The following RPRD1B variants were observed in gnomAD, a reference collection of about 807,000 sequenced individuals.
The protein encoded by RPRD1B is regulation of nuclear pre-mRNA domain containing 1B.
Under a neutral mutation model 41.5 loss-of-function variants are expected in RPRD1B, and 11 were observed. The ratio of observed to expected loss-of-function variants is 0.27; its 90% CI spans 0.17 to 0.44. The LOEUF is 0.44. Among genes scored for constraint, RPRD1B ranks in the 20% least tolerant of loss-of-function variants. RPRD1B has a pLI of 1.00. For missense variants in RPRD1B, 248 were observed against 389.9 expected (o/e 0.64, Z 3.06); for synonymous variants, 158 against 155.6 (o/e 1.02, Z -0.12).
Position 38,091,928 on chromosome 20 carries a change from A to T in RPRD1B, c.*2053A>T. 1 of 985,792 alleles carries T rather than the reference A, an allele frequency of 1.0e-6. No homozygotes were observed. Among genetic ancestry groups the T allele is most frequent in the Non-Finnish European group, 1.2e-6 (1 of 829,914 alleles). The allele number at this position is 985,792 out of a possible 1,614,324, so 61.1% of individuals were successfully genotyped here. A position where few individuals can be genotyped will look rare whatever the true frequency, so the allele number is the denominator to read the frequency against. On this transcript the variant is annotated 3_prime_UTR_variant, in exon 7 of 7. Coordinates refer to ENST00000373433, the MANE Select transcript of RPRD1B (RefSeq NM_021215.4). ...TAAATGAATGTGTTGGCCTCTTAAT[A>T]CCTGTTACTAGTGGACTTCCTGTGA...
chr20:38,061,778 A>G (rs369899828), intron 5 of RPRD1B, among the ~76,000 whole-genome samples: 6 of 152,258 alleles, frequency 3.9e-5, no homozygotes, highest in East Asian at 1.9e-4. Flanking sequence ...ACTTCACCCC[A>G]GTAGTATTTG....
Position 38,091,425 on chromosome 20 carries a change from T to C in RPRD1B, c.*1550T>C, listed in dbSNP as rs2122782618. ...ATGAAAAGTCATAGCAGATACTCAG[T>C]TTAACTCTGTGTAGAACCTAGTAGT... On this transcript the variant is annotated 3_prime_UTR_variant, in exon 7 of 7. Transcript: ENST00000373433. The C allele has an allele frequency of 1.0e-6, 1 of 985,394 alleles. No individual in the cohort carries two copies. 61.0% of individuals were successfully genotyped at this position (985,394 alleles called of 1,614,324 possible).
At chr20:38,055,160 C>G (rs1349305637) in intron 3 of RPRD1B, among the ~76,000 whole-genome samples, 1 of 152,006 alleles carries the variant, frequency 6.6e-6, no homozygotes, top group Non-Finnish European at 1.5e-5. Context: ...ATTGTTGATT[C>G]CAAATGTGTA....
At position 38,040,555 on chromosome 20, in the gene RPRD1B, A is replaced by G. The variant is rs1408803488; in HGVS notation, c.272A>G (p.His91Arg). ...TCTGTCCTTGTGGATGCTTTTTCTC[A>G]TGTTGCCAGGTATGTTGTCTGTTTT... is the stretch of plus-strand genomic sequence containing the variant. ...FESVLVDAFS[H>R]VAREADEGCK... Residue 91 changes from histidine to arginine, a missense_variant, in exon 2 of 7, where the codon CAT (histidine) becomes CGT (arginine). This residue lies in a region of RPRD1B where 47 missense variants were observed against 103.6 expected (regional missense o/e 0.45). Transcript: ENST00000373433. The G allele has an allele frequency of 6.3e-7, 1 of 1,598,240 alleles. No individual in the cohort carries two copies. Among genetic ancestry groups the G allele is most frequent in the Admixed American group, 1.8e-5 (1 of 56,560 alleles).
At chr20:38,089,112 A>T (rs887689326) in intron 6 of RPRD1B, among the ~76,000 whole-genome samples, 5 of 152,218 alleles carry the variant, frequency 3.3e-5, no homozygotes, top group Non-Finnish European at 7.4e-5. Context: ...GGTTTCATGA[A>T]AGCTGGGCTT....
rs774732721 is a variant in RPRD1B, at chr20:38,034,022, C to T, written c.75C>T (p.Thr25=). ...GCAACTCTCAGCAGAGCGTGCAGAC[C>T]CTGTCCCTTTGGCTCATCCACCACC... ...ELSNSQQSVQ[T]LSLWLIHHRK... Residue 25 remains threonine, a synonymous_variant, in exon 1 of 7, where the codon ACC becomes ACT. Transcript: ENST00000373433. 3.7e-6 allele frequency: 6 copies of T among 1,614,168 alleles called. No homozygotes were observed.
intron 6 of RPRD1B, chr20:38,070,803 C>A: frequency 1.2e-6 from 1 of 867,668 alleles, no homozygotes; most frequent in Non-Finnish European, 1.4e-6. Flanking sequence ...TGCAGTAGAG[C>A]AATCTGAGCT....
chr20:38,081,025 G>T (rs376543926), intron 6 of RPRD1B, among the ~76,000 whole-genome samples: 15 of 152,156 alleles, frequency 9.9e-5, no homozygotes, highest in African/African-American at 3.6e-4. Context: ...ATCAATTTTA[G>T]AATATTGTTT....
At chr20:38,074,354 T>C (rs2074439801) in intron 6 of RPRD1B, among the ~76,000 whole-genome samples, 1 of 152,176 alleles carries the variant, frequency 6.6e-6, no homozygotes, top group Non-Finnish European at 1.5e-5. Flanking sequence ...TGTTTCTTTA[T>C]TACAATGTGA....
intron 6 of RPRD1B, among the ~76,000 whole-genome samples, chr20:38,076,688 A>G (rs62203598): frequency 0.18 from 26,764 of 149,648 alleles, 2,829 homozygotes; most frequent in Middle Eastern, 0.34. Flanking sequence ...TCTAATCTCA[A>G]AACCCAAAAG....
rs576114278 is a variant in RPRD1B, at chr20:38,043,704, GATAGGATTT to G, written c.281+3146_281+3154del. On this transcript the variant is annotated intron_variant, in intron 2 of 6. Coordinates refer to ENST00000373433, the MANE Select transcript of RPRD1B (RefSeq NM_021215.4). ...ATCCCCACCTCTCCAGTGTAAAACT[GATAGGATTT>G]ATAGGCGTTGAGTGGGAGCTGGTAG... 1.3e-4 allele frequency among the ~76,000 whole-genome samples: 20 copies of G among 152,300 alleles called. No homozygotes were observed. The East Asian group carries it at 3.9e-3, about 29-fold the overall frequency.
At chr20:38,044,761 C>T (rs943985683) in intron 2 of RPRD1B, among the ~76,000 whole-genome samples, 2 of 152,176 alleles carry the variant, frequency 1.3e-5, no homozygotes, top group Admixed American at 6.5e-5. Flanking sequence ...TAGGGACACT[C>T]GGAAATCCCA....
intron 5 of RPRD1B, chr20:38,065,875 G>A: frequency 2.2e-6 from 1 of 451,258 alleles, no homozygotes; most frequent in Non-Finnish European, 3.9e-6. Flanking sequence ...CCTCACTTCA[G>A]GTAATTGAGT....
At chr20:38,084,920 G>C (rs2122770396) in intron 6 of RPRD1B, among the ~76,000 whole-genome samples, 1 of 152,240 alleles carries the variant, frequency 6.6e-6, no homozygotes, top group East Asian at 1.9e-4. Flanking sequence ...TCCCCTTCTT[G>C]AGGATCCTGA....
Position 38,066,232 on chromosome 20 carries a change from G to T in RPRD1B, c.807G>T (p.Leu269Phe). 6.2e-7 allele frequency: 1 copy of T among 1,614,154 alleles called. No homozygotes were observed. The highest frequency in any genetic ancestry group is 1.1e-5 in the South Asian group (1 of 91,080). Reference sequence around the variant, plus strand: ...ATACCCAGAATCAGAAAGATGTTTTGTCGGAGAAGGAGAAAAAACTAGAGG... The same window carrying T: ...ATACCCAGAATCAGAAAGATGTTTTTTCGGAGAAGGAGAAAAAACTAGAGG... ...VEYTQNQKDV[L>F]SEKEKKLEEY... Residue 269 changes from leucine to phenylalanine, a missense_variant, in exon 6 of 7, where the codon TTG (leucine) becomes TTT (phenylalanine). By Grantham distance (22) the Leu-to-Phe change is conservative. Transcript: ENST00000373433.
intron 6 of RPRD1B, among the ~76,000 whole-genome samples, chr20:38,067,056 T>C (rs574298546): frequency 6.6e-6 from 1 of 152,210 alleles, no homozygotes; most frequent in African/African-American, 2.4e-5. Flanking sequence ...GTAGTATTTA[T>C]ATAGCACAGT....
At chr20:38,075,761 CA>C (rs1191000012) in intron 6 of RPRD1B, among the ~76,000 whole-genome samples, 2 of 152,164 alleles carry the variant, frequency 1.3e-5, no homozygotes, top group Non-Finnish European at 2.9e-5. Context: ...TGGTTATAAT[CA>C]GGAGTCAAGT....
rs930694376 is a variant in RPRD1B at position 38,033,851 on chromosome 20, C to T, written c.-97C>T. On this transcript the variant is annotated 5_prime_UTR_variant, in exon 1 of 7. Coordinates refer to ENST00000373433, the MANE Select transcript of RPRD1B (RefSeq NM_021215.4). ...CAGTCTGTCAGTCGGTAAAAAGTCC[C>T]GCAGCCTGTCAGGTGAGGCCCCGGC... The T allele has an allele frequency of 7.9e-7, 1 of 1,271,192 alleles. No individual in the cohort carries two copies. Among genetic ancestry groups the T allele is most frequent in the Non-Finnish European group, 1.1e-6 (1 of 934,958 alleles). 78.7% of individuals were successfully genotyped at this position (1,271,192 alleles called of 1,614,324 possible). A position where few individuals can be genotyped will look rare whatever the true frequency, so the allele number is the denominator to read the frequency against.
intron 5 of RPRD1B, among the ~76,000 whole-genome samples, chr20:38,064,543 A>G (rs1409525704): frequency 6.6e-6 from 1 of 152,218 alleles, no homozygotes; most frequent in East Asian, 1.9e-4. Flanking sequence ...AAAATGAGTT[A>G]TACATATTTA....
Sources: allele counts gnomAD v4.1 joint callset (sites outside exome capture counted in the v4.1 genomes callset), GRCh38; gene constraint gnomAD v4.1.1; regional missense constraint gnomAD v4.1.1; transcripts MANE v1.5; gene names NCBI Gene and HGNC (gene_info 2026-07-23, HGNC 2026-07-21).